ZFP62: variants seen among roughly 807,000 people sequenced by gnomAD.
ZFP62 encodes zinc finger protein 62 homolog.
Under a neutral mutation model 56.4 loss-of-function variants are expected in ZFP62, and 44 were observed. The ratio of observed to expected loss-of-function variants is 0.78; its 90% CI spans 0.61 to 1.00. The LOEUF (loss-of-function observed/expected upper bound fraction) is 1.00, where lower values mean the gene tolerates loss of function less well. Ranked by LOEUF, ZFP62 falls within the 50% of genes least tolerant of loss-of-function variation. The probability of loss-of-function intolerance (pLI) is 0.00; values close to 1 mark genes in which losing one functional copy is unlikely to be tolerated. For missense variants in ZFP62, 1,030 were observed against 1,085.7 expected, an observed-to-expected ratio of 0.95 and a Z score of 0.72; for synonymous variants, 421 against 388.9, an observed-to-expected ratio of 1.08 and a Z score of -0.97.
At chr5:180,838,089 A>C in the ZFP62 span, among the ~76,000 whole-genome samples, 1 of 152,194 alleles carries the variant, frequency 6.6e-6, no homozygotes, top group African/African-American at 2.4e-5. Context: ...TTCTACTAAG[A>C]GATGAAAAAA....
downstream of ZFP62, chr5:180,847,574 T>C (rs560828767): frequency 5.1e-6 from 5 of 985,146 alleles, no homozygotes; most frequent in African/African-American, 5.2e-5. Flanking sequence ...GGCACACAAA[T>C]GGCTCTTGGG....
chr5:180,842,481 T>C, the ZFP62 span, among the ~76,000 whole-genome samples: 1 of 151,808 alleles, frequency 6.6e-6, no homozygotes, highest in Non-Finnish European at 1.5e-5. Context: ...AGAAGCTATT[T>C]TAAAAAGAAT....
the ZFP62 span, among the ~76,000 whole-genome samples, chr5:180,828,827 G>A: frequency 9.8e-5 from 15 of 152,306 alleles, no homozygotes; most frequent in African/African-American, 1.9e-4. Flanking sequence ...ATAAATGGAC[G>A]TGCAAGTAGG....
At chr5:180,847,092 G>A (rs188496805), downstream of ZFP62, among the ~76,000 whole-genome samples, 4 of 152,324 alleles carry the variant, frequency 2.6e-5, no homozygotes, top group East Asian at 5.8e-4. Flanking sequence ...TCTGGCTACA[G>A]AGATAGGAGT....
Position 180,851,152 on chromosome 5 carries a change from G to C in ZFP62, c.343C>G (p.Gln115Glu), listed in dbSNP as rs1485959355. ...TTAATGTTCTCCACACGTTTGCCTTGCTCACTGCCTCTCTGTCCTATAGGC... is the reference window on the plus strand; with the variant it reads ...TTAATGTTCTCCACACGTTTGCCTTCCTCACTGCCTCTCTGTCCTATAGGC... Reference protein sequence around the residue: ...TMPIGQRGSEQGKRVENINGT... With the variant: ...TMPIGQRGSEEGKRVENINGT... The change falls in exon 2 of 2, where the codon CAA becomes GAA. Residue 115 changes from glutamine to glutamate, a missense_variant. Coordinates refer to ENST00000502412, the MANE Select transcript of ZFP62 (RefSeq NM_001172638.2). 1.9e-6 allele frequency: 3 copies of C among 1,551,578 alleles called. No individual in the cohort carries two copies. The highest frequency in any genetic ancestry group is 4.9e-5 in the East Asian group (2 of 40,940).
At chr5:180,842,816 T>A (rs544714727), downstream of ZFP62, among the ~76,000 whole-genome samples, 43 of 152,046 alleles carry the variant, frequency 2.8e-4, no homozygotes, top group South Asian at 8.1e-3. Flanking sequence ...CCAAGGCAGG[T>A]GGATCACCTG....
intron 1 of ZFP62, among the ~76,000 whole-genome samples, chr5:180,854,651 A>T (rs1773878199): frequency 6.6e-6 from 1 of 152,236 alleles, no homozygotes; most frequent in Non-Finnish European, 1.5e-5. Flanking sequence ...ACACCTCCAG[A>T]GGGGCAGATA....
At chr5:180,841,098 G>T in the ZFP62 span, among the ~76,000 whole-genome samples, 48 of 151,906 alleles carry the variant, frequency 3.2e-4, no homozygotes, top group Non-Finnish European at 5.7e-4. Flanking sequence ...TAAAAATACT[G>T]AATTGAAATG....
the ZFP62 span, among the ~76,000 whole-genome samples, chr5:180,833,775 A>G: frequency 5.3e-5 from 8 of 150,714 alleles, no homozygotes; most frequent in Non-Finnish European, 7.4e-5. Context: ...GGTTCAAGCG[A>G]TTCTCCTGCC....
At chr5:180,832,607 G>C in the ZFP62 span, 2 of 152,214 alleles carry the variant, frequency 1.3e-5, no homozygotes, top group Non-Finnish European at 2.9e-5. Context: ...AGGAAGTATT[G>C]TTTTAAATTC....
intron 1 of ZFP62, among the ~76,000 whole-genome samples, chr5:180,857,061 C>G (rs1233571719): frequency 1.3e-5 from 2 of 150,564 alleles, no homozygotes; most frequent in East Asian, 1.9e-4. Flanking sequence ...AAGGGAAGAG[C>G]AGGTACAGAG....
the ZFP62 span, among the ~76,000 whole-genome samples, chr5:180,833,678 T>A: frequency 6.6e-6 from 1 of 151,432 alleles, no homozygotes; most frequent in Non-Finnish European, 1.5e-5. Flanking sequence ...CGGTATTTTT[T>A]TTTTTTTTTT....
chr5:180,853,293 CA>C (rs1419957509), intron 1 of ZFP62, among the ~76,000 whole-genome samples: 1 of 152,118 alleles, frequency 6.6e-6, no homozygotes, highest in South Asian at 2.1e-4. Flanking sequence ...ATCCTAAAGT[CA>C]AAAGGTCAAA....
At chr5:180,832,353 A>G in the ZFP62 span, among the ~76,000 whole-genome samples, 1,129 of 152,128 alleles carry the variant, frequency 7.4e-3, 14 homozygotes, top group African/African-American at 0.026. Context: ...GGGTTTCACT[A>G]TGTTGCCCAG....
intron 1 of ZFP62, among the ~76,000 whole-genome samples, chr5:180,851,728 G>A (rs1351612164): frequency 6.6e-6 from 1 of 152,166 alleles, no homozygotes. Context: ...ATTTTCAATG[G>A]AACAATGAGC....
rs924851299 is a variant in ZFP62, at chr5:180,860,352, A to T, written c.1+867T>A. Among the ~76,000 whole-genome samples, 49 of 152,072 alleles carry T rather than the reference A, an allele frequency of 3.2e-4. 1 individual carries two copies. Among genetic ancestry groups the T allele is most frequent in the Non-Finnish European group, 1.0e-4 (7 of 67,966 alleles). On this transcript the variant is annotated intron_variant, in intron 1 of 1. Transcript: ENST00000502412. ...AATATATTACATATTTCATATTATT[A>T]TTTTTTTTAAGCCTTGAGCTTTCAC...
At chr5:180,838,821 TTGTC>T in the ZFP62 span, among the ~76,000 whole-genome samples, 18,035 of 152,216 alleles carry the variant, frequency 0.12, 1,132 homozygotes, top group South Asian at 0.15. Flanking sequence ...TCATACACTA[TTGTC>T]AAAAGTATAA....
chr5:180,836,704 A>G, the ZFP62 span, among the ~76,000 whole-genome samples: 1 of 152,230 alleles, frequency 6.6e-6, no homozygotes, highest in Non-Finnish European at 1.5e-5. Context: ...GTGAAAATGT[A>G]AACTGAGGTA....
chr5:180,847,403 G>A (rs1382781072), downstream of ZFP62, among the ~76,000 whole-genome samples: 1 of 152,090 alleles, frequency 6.6e-6, no homozygotes, highest in African/African-American at 2.4e-5. Context: ...CAGTAACGAC[G>A]ATCACATGGC....
Sources: allele counts gnomAD v4.1 joint callset (sites outside exome capture counted in the v4.1 genomes callset), GRCh38; gene constraint gnomAD v4.1.1; transcripts MANE v1.5; gene names NCBI Gene and HGNC (gene_info 2026-07-23, HGNC 2026-07-21).